The following FSTL4 variants were observed in gnomAD, a reference collection of about 807,000 sequenced individuals.
FSTL4 encodes follistatin-related protein 4.
In FSTL4, 28 loss-of-function variants were observed where a neutral mutation model predicts 78.2. The ratio of observed to expected loss-of-function variants is 0.36; its 90% CI spans 0.27 to 0.49. FSTL4 has a LOEUF of 0.49. Among genes scored for constraint, FSTL4 ranks in the 20% least tolerant of loss-of-function variants. FSTL4 has a pLI of 0.98. For synonymous variants in FSTL4, 422 were observed against 440.5 expected (o/e 0.96, Z 0.53); for missense variants, 922 against 1,084.9 (o/e 0.85, Z 2.11).
the FSTL4 span, among the ~76,000 whole-genome samples, chr5:133,671,891 C>T: frequency 6.6e-6 from 1 of 152,132 alleles, no homozygotes; most frequent in African/African-American, 2.4e-5. Context: ...ATTGTGGGGG[C>T]TAAGAACGTA....
intron 4 of FSTL4, among the ~76,000 whole-genome samples, chr5:133,341,093 G>A (rs928523469): frequency 6.6e-5 from 10 of 152,180 alleles, no homozygotes; most frequent in Non-Finnish European, 1.3e-4. Flanking sequence ...ACAGCAGGGA[G>A]AGACCAGGCT....
chr5:133,797,304 TGTA>T, the FSTL4 span, among the ~76,000 whole-genome samples: 2,846 of 152,338 alleles, frequency 0.019, 95 homozygotes, highest in African/African-American at 0.064. Context: ...TTCTTTAACT[TGTA>T]GTTGGTTAAA....
intron 6 of FSTL4, among the ~76,000 whole-genome samples, chr5:133,254,993 A>T (rs1380147125): frequency 6.6e-6 from 1 of 152,220 alleles, no homozygotes; most frequent in African/African-American, 2.4e-5. Context: ...AAGATGCCAC[A>T]TGCAGCCCTC....
chr5:133,529,804 C>T (rs1175821462), intron 3 of FSTL4, among the ~76,000 whole-genome samples: 3 of 151,810 alleles, frequency 2.0e-5, no homozygotes, highest in East Asian at 3.9e-4. Context: ...TTGTATATTG[C>T]TATTCATCTG....
intron 3 of FSTL4, among the ~76,000 whole-genome samples, chr5:133,448,524 G>A (rs926089117): frequency 1.3e-5 from 2 of 152,132 alleles, no homozygotes; most frequent in African/African-American, 4.8e-5. Flanking sequence ...CACAGTAGAG[G>A]GCACACAGAA....
chr5:133,573,135 T>C (rs1760197270), intron 2 of FSTL4, among the ~76,000 whole-genome samples: 1 of 151,912 alleles, frequency 6.6e-6, no homozygotes, highest in African/African-American at 2.4e-5. Flanking sequence ...TCCTAGCTAC[T>C]TGGGAGGCTG....
chr5:133,616,554 A>G (rs1761203703), upstream of FSTL4, among the ~76,000 whole-genome samples: 1 of 151,770 alleles, frequency 6.6e-6, no homozygotes, highest in South Asian at 2.1e-4. Context: ...GGCATGCACT[A>G]CCATACCCAG....
the FSTL4 span, among the ~76,000 whole-genome samples, chr5:133,731,402 G>A: frequency 6.6e-6 from 1 of 152,284 alleles, no homozygotes; most frequent in South Asian, 2.1e-4. Flanking sequence ...AGGAGAGTAG[G>A]CTTAAGAGGG....
chr5:133,415,157 C>G (rs1007728494), intron 3 of FSTL4, among the ~76,000 whole-genome samples: 6 of 152,230 alleles, frequency 3.9e-5, no homozygotes, highest in African/African-American at 1.4e-4. Flanking sequence ...ATCTTCTGAG[C>G]AGGCAATGCC....
chr5:133,412,917 T>C (rs774388587), intron 3 of FSTL4, among the ~76,000 whole-genome samples: 7 of 152,188 alleles, frequency 4.6e-5, no homozygotes, highest in Non-Finnish European at 1.0e-4. Flanking sequence ...TTCATTGTCC[T>C]TATAGTACCC....
At chr5:133,311,573 C>G (rs914742883) in intron 6 of FSTL4, among the ~76,000 whole-genome samples, 10 of 152,216 alleles carry the variant, frequency 6.6e-5, no homozygotes, top group African/African-American at 2.4e-4. Flanking sequence ...ACAAGGATCC[C>G]TCTTCAGGCC....
At chr5:133,372,435 T>A (rs1755332989) in intron 4 of FSTL4, among the ~76,000 whole-genome samples, 2 of 152,190 alleles carry the variant, frequency 1.3e-5, no homozygotes, top group South Asian at 4.2e-4. Flanking sequence ...GTGTTTACCT[T>A]GGTATTAGGA....
rs141003745 is a variant in FSTL4, at chr5:133,332,079, G to A, written c.410-15427C>T. On this transcript the variant is annotated intron_variant, in intron 4 of 15. Transcript: ENST00000265342. ...GGCAGTGTGAGAAGCCGGGGCTGCC[G>A]AGGGAGGGTTGGCAGTGGGGATAAA... Among the ~76,000 whole-genome samples, 1,090 of 152,306 alleles carry A rather than the reference G, an allele frequency of 7.2e-3. 4 individuals carry two copies. The highest frequency in any genetic ancestry group is 0.027 in the Middle Eastern group (8 of 294).
At chr5:133,696,341 T>C in the FSTL4 span, among the ~76,000 whole-genome samples, 52,628 of 152,152 alleles carry the variant, frequency 0.35, 9,897 homozygotes, top group African/African-American at 0.49. Flanking sequence ...GCCGAAGCCC[T>C]GTGACCATCC....
intron 3 of FSTL4, among the ~76,000 whole-genome samples, chr5:133,512,155 G>A (rs1003470242): frequency 3.3e-5 from 5 of 152,066 alleles, no homozygotes; most frequent in African/African-American, 1.2e-4. Flanking sequence ...CAAAGCCCAC[G>A]CATCACCCTG....
chr5:133,818,931 CTA>C, the FSTL4 span, among the ~76,000 whole-genome samples: 15 of 61,780 alleles, frequency 2.4e-4, 1 homozygote, highest in Admixed American at 6.4e-4. Flanking sequence ...TTAGAAGATA[CTA>C]TATATATATA....
chr5:133,568,260 C>T (rs142765850), intron 2 of FSTL4, among the ~76,000 whole-genome samples: 7 of 152,122 alleles, frequency 4.6e-5, no homozygotes, highest in Admixed American at 4.6e-4. Flanking sequence ...GGATAAAAAG[C>T]CTAAGGTTAA....
the FSTL4 span, among the ~76,000 whole-genome samples, chr5:133,746,512 G>A: frequency 6.6e-6 from 1 of 152,064 alleles, no homozygotes; most frequent in Non-Finnish European, 1.5e-5. Context: ...CAGAAATAGT[G>A]AGCAGAAAGG....
the FSTL4 span, among the ~76,000 whole-genome samples, chr5:133,773,478 C>T: frequency 6.6e-6 from 1 of 152,146 alleles, no homozygotes; most frequent in African/African-American, 2.4e-5. Flanking sequence ...AGAGAGAAGA[C>T]AGAGTATTTA....
Sources: allele counts gnomAD v4.1 joint callset (sites outside exome capture counted in the v4.1 genomes callset), GRCh38; gene constraint gnomAD v4.1.1; transcripts MANE v1.5; gene names NCBI Gene and HGNC (gene_info 2026-07-23, HGNC 2026-07-21).